Variants in ANTXR1 observed in about 807,000 individuals in gnomAD.
ANTXR1 encodes the protein ANTXR cell adhesion molecule 1.
A neutral mutation model predicts 78.1 loss-of-function variants in ANTXR1; 19 were observed. The ratio of observed to expected loss-of-function variants is 0.24; its 90% confidence interval spans 0.17 to 0.36. The LOEUF is 0.36. ANTXR1 is among the 10% of genes least tolerant of loss of function. ANTXR1 has a pLI of 1.00. For synonymous variants in ANTXR1, 273 were observed against 260.5 expected, an observed-to-expected ratio of 1.05 and a Z score of -0.46; for missense variants, 518 against 718.6, an observed-to-expected ratio of 0.72 and a Z score of 3.19.
chr2:69,124,527 G>T (rs141699272), intron 11 of ANTXR1, 38 bp from the exon 12 acceptor site: 1 of 1,589,506 alleles, frequency 6.3e-7, no homozygotes, highest in African/African-American at 1.3e-5. Context: ...CTCATTGCAC[G>T]CCCTGCTGAG....
At chr2:69,064,920 T>A (rs570118775) in intron 3 of ANTXR1, among the ~76,000 whole-genome samples, 1 of 151,938 alleles carries the variant, frequency 6.6e-6, no homozygotes, top group East Asian at 1.9e-4. Flanking sequence ...AGTGTTTTTC[T>A]TAGAAAAGAA....
At chr2:69,238,224 T>C (rs1230486335) in intron 17 of ANTXR1, among the ~76,000 whole-genome samples, 1 of 152,186 alleles carries the variant, frequency 6.6e-6, no homozygotes, top group Admixed American at 6.5e-5. Flanking sequence ...TCCAATCAAC[T>C]GGTCCAATCA....
At chr2:69,122,376 G>T (rs1672376187) in intron 10 of ANTXR1, among the ~76,000 whole-genome samples, 1 of 152,122 alleles carries the variant, frequency 6.6e-6, no homozygotes, top group Non-Finnish European at 1.5e-5. Flanking sequence ...CACAAATATG[G>T]CTTATCTCTC....
At position 69,059,389 on chromosome 2, in the gene ANTXR1, A is replaced by G. The variant is rs115878018; in HGVS notation, c.297-11258A>G. On this transcript the variant is annotated intron_variant, in intron 3 of 17. Transcript: ENST00000303714. ...TCAGCAGCCGTCAGTATCGAGGCAG[A>G]ACCCTCCACCAGCAAAAGATTATGA... Among the ~76,000 whole-genome samples, 1,414 of 152,354 alleles carry G rather than the reference A, an allele frequency of 9.3e-3. 20 individuals are homozygous for G. Among genetic ancestry groups the G allele is most frequent in the African/African-American group, 0.032 (1,324 of 41,580 alleles).
intron 17 of ANTXR1, among the ~76,000 whole-genome samples, chr2:69,234,699 A>G (rs994340782): frequency 1.3e-5 from 2 of 152,082 alleles, no homozygotes; most frequent in Non-Finnish European, 2.9e-5. Flanking sequence ...GGAGACAGAG[A>G]TTACAGTGAG....
intron 17 of ANTXR1, among the ~76,000 whole-genome samples, chr2:69,212,631 C>T (rs549277161): frequency 4.9e-4 from 75 of 152,226 alleles, no homozygotes; most frequent in Non-Finnish European, 9.3e-4. Flanking sequence ...TTCTTGTAAA[C>T]AACATAATAC....
At chr2:69,226,687 G>A (rs762530598) in intron 17 of ANTXR1, among the ~76,000 whole-genome samples, 4 of 152,152 alleles carry the variant, frequency 2.6e-5, no homozygotes, top group African/African-American at 4.8e-5. Flanking sequence ...AGGTCATACC[G>A]TTTGTCATCT....
At chr2:69,122,560 G>A (rs2104374451) in intron 10 of ANTXR1, among the ~76,000 whole-genome samples, 1 of 152,046 alleles carries the variant, frequency 6.6e-6, no homozygotes, top group African/African-American at 2.4e-5. Context: ...ACTGCTAATG[G>A]GTTTTACAGC....
rs1231073373 is a variant in ANTXR1, at chr2:69,249,308, T to C, written c.*3823T>C. The C allele has an allele frequency of 2.0e-5, 3 of 152,172 alleles. No individual in the cohort carries two copies. Among genetic ancestry groups the C allele is most frequent in the Non-Finnish European group, 2.9e-5 (2 of 68,004 alleles). 9.4% of individuals were successfully genotyped at this position (152,172 alleles called of 1,614,324 possible). ...CTGGAAGTTGCTTTTTTAAAAAAAA[T>C]AATAAATTTCTTAAATCAACTCTTT... On this transcript the variant is annotated 3_prime_UTR_variant, in exon 18 of 18. Coordinates refer to ENST00000303714, the MANE Select transcript of ANTXR1 (RefSeq NM_032208.3).
intron 17 of ANTXR1, among the ~76,000 whole-genome samples, chr2:69,209,812 C>T (rs558036710): frequency 1.3e-5 from 2 of 152,280 alleles, no homozygotes; most frequent in East Asian, 3.9e-4. Context: ...GCCATGCAGG[C>T]AGGCTTGTAA....
intron 3 of ANTXR1, among the ~76,000 whole-genome samples, chr2:69,063,477 G>T (rs138897282): frequency 6.6e-6 from 1 of 151,844 alleles, no homozygotes; most frequent in African/African-American, 2.4e-5. Flanking sequence ...AAATGCCTAA[G>T]AGAATCATCA....
chr2:69,065,201 G>T (rs187469277), intron 3 of ANTXR1, among the ~76,000 whole-genome samples: 2 of 151,992 alleles, frequency 1.3e-5, no homozygotes, highest in African/African-American at 4.8e-5. Context: ...CGAGGCGGGC[G>T]GATCACAAGG....
intron 17 of ANTXR1, among the ~76,000 whole-genome samples, chr2:69,217,202 A>G (rs946456816): frequency 1.3e-5 from 2 of 152,150 alleles, no homozygotes; most frequent in African/African-American, 4.8e-5. Context: ...CCTGCCAAGG[A>G]CTGACATGCA....
At position 69,065,424 on chromosome 2, in the gene ANTXR1, C is replaced by CAA. The variant is rs34601328; in HGVS notation, c.297-5206_297-5205dup. Reference sequence around the variant, plus strand: ...TGGGTGACAAAGCAAGACTCCGTCTCAAAAAAAAAAAAAAAAAAGTGATTT... The same window carrying CAA: ...TGGGTGACAAAGCAAGACTCCGTCTCAAAAAAAAAAAAAAAAAAAAGTGATTT... On this transcript the variant is annotated intron_variant, in intron 3 of 17. Transcript: ENST00000303714. 1.4e-3 allele frequency among the ~76,000 whole-genome samples: 93 copies of CAA among 66,708 alleles called. 4 individuals carry two copies. The highest frequency in any genetic ancestry group is 3.0e-3 in the African/African-American group (58 of 19,144). 43.8% of individuals were successfully genotyped at this position (66,708 alleles called of 152,430 possible). A position where few individuals can be genotyped will look rare whatever the true frequency, so the allele number is the denominator to read the frequency against.
intron 17 of ANTXR1, among the ~76,000 whole-genome samples, chr2:69,216,408 C>T (rs141526244): frequency 6.6e-6 from 1 of 152,256 alleles, no homozygotes; most frequent in East Asian, 1.9e-4. Flanking sequence ...TACATACATA[C>T]ACACATGCAT....
chr2:69,132,985 C>G (rs980431239), intron 12 of ANTXR1, among the ~76,000 whole-genome samples: 3 of 152,200 alleles, frequency 2.0e-5, no homozygotes, highest in African/African-American at 7.2e-5. Context: ...AAATTCCCCA[C>G]CTGTTCCAAA....
At chr2:69,167,724 C>T (rs1043843721) in intron 13 of ANTXR1, among the ~76,000 whole-genome samples, 2 of 152,118 alleles carry the variant, frequency 1.3e-5, no homozygotes, top group African/African-American at 4.8e-5. Flanking sequence ...ACCAGTGAGA[C>T]CAGGTTGGAG....
intron 13 of ANTXR1, among the ~76,000 whole-genome samples, chr2:69,168,154 C>G (rs1332511300): frequency 6.6e-6 from 1 of 152,180 alleles, no homozygotes; most frequent in Admixed American, 6.5e-5. Flanking sequence ...TGTCTGGAAG[C>G]CACCATGCAA....
At chr2:69,081,903 C>T (rs539300479) in intron 8 of ANTXR1, among the ~76,000 whole-genome samples, 10 of 152,324 alleles carry the variant, frequency 6.6e-5, no homozygotes, top group African/African-American at 2.4e-4. Flanking sequence ...AATCATTACC[C>T]CTTTTATAGA....
Sources: allele counts gnomAD v4.1 joint callset (sites outside exome capture counted in the v4.1 genomes callset), GRCh38; gene constraint gnomAD v4.1.1; transcripts MANE v1.5; gene names NCBI Gene and HGNC (gene_info 2026-07-23, HGNC 2026-07-21).